The following NRXN3 variants were observed in gnomAD, a reference collection of about 807,000 sequenced individuals.
NRXN3 encodes neurexin 3.
In NRXN3, 32 loss-of-function variants were observed where a neutral mutation model predicts 137.6. The ratio of observed to expected loss-of-function variants is 0.23; its 90% CI spans 0.18 to 0.31. NRXN3 has a LOEUF of 0.31. NRXN3 is among the 10% of genes least tolerant of loss of function. The probability of loss-of-function intolerance (pLI) is 1.00; values close to 1 mark genes in which losing one functional copy is unlikely to be tolerated. For missense variants in NRXN3, 1,574 were observed against 2,062.5 expected (o/e 0.76, Z 4.59); for synonymous variants, 798 against 784.5 (o/e 1.02, Z -0.29).
At chr14:78,447,731 G>A (rs2094454072) in intron 4 of NRXN3, among the ~76,000 whole-genome samples, 2 of 152,154 alleles carry the variant, frequency 1.3e-5, no homozygotes, top group South Asian at 4.1e-4. Context: ...GCTTGCTATG[G>A]CCTGAGATTT....
At chr14:78,705,185 G>A (rs776961747) in intron 6 of NRXN3, among the ~76,000 whole-genome samples, 2 of 152,212 alleles carry the variant, frequency 1.3e-5, no homozygotes, top group South Asian at 4.1e-4. Context: ...GAGGCGACTT[G>A]TCAGCCAAGG....
intron 4 of NRXN3, among the ~76,000 whole-genome samples, chr14:78,473,540 G>A (rs946772561): frequency 7.2e-5 from 11 of 152,318 alleles, no homozygotes; most frequent in Admixed American, 3.9e-4. Context: ...TAAGTTAGGA[G>A]CTCTGATGTC....
chr14:78,980,945 T>C (rs891653785), intron 14 of NRXN3, among the ~76,000 whole-genome samples: 3 of 152,324 alleles, frequency 2.0e-5, no homozygotes, highest in Middle Eastern at 3.4e-3. Context: ...ATACCATTCC[T>C]ATACAGGAAC....
chr14:78,372,192 G>A (rs1455076405), intron 4 of NRXN3, among the ~76,000 whole-genome samples: 1 of 150,010 alleles, frequency 6.7e-6, no homozygotes, highest in African/African-American at 2.4e-5. Context: ...CCAGAACTAT[G>A]TATTTTTTCC....
At chr14:78,901,064 T>G (rs1231113581) in intron 10 of NRXN3, among the ~76,000 whole-genome samples, 2 of 152,006 alleles carry the variant, frequency 1.3e-5, no homozygotes, top group Admixed American at 6.6e-5. Context: ...TTTTCTCACC[T>G]ACCTCCCAGC....
intron 15 of NRXN3, among the ~76,000 whole-genome samples, chr14:79,145,284 G>A (rs1201614608): frequency 8.5e-5 from 13 of 152,056 alleles, no homozygotes; most frequent in Admixed American, 8.5e-4. Context: ...AAATTTCCCT[G>A]AGCCACTTAA....
chr14:78,520,313 T>G (rs766697293), intron 4 of NRXN3, among the ~76,000 whole-genome samples: 4 of 152,214 alleles, frequency 2.6e-5, no homozygotes, highest in African/African-American at 4.8e-5. Flanking sequence ...TGAAGTCCTT[T>G]AACTTCTTTC....
At chr14:78,772,002 TG>T (rs1253107130) in intron 8 of NRXN3, among the ~76,000 whole-genome samples, 9 of 152,216 alleles carry the variant, frequency 5.9e-5, no homozygotes, top group Admixed American at 2.0e-4. Flanking sequence ...ATTCATTATG[TG>T]TCATATATAC....
At chr14:78,366,527 G>C (rs2085967178) in intron 4 of NRXN3, among the ~76,000 whole-genome samples, 1 of 152,180 alleles carries the variant, frequency 6.6e-6, no homozygotes, top group African/African-American at 2.4e-5. Flanking sequence ...CATGTTGGCT[G>C]TATTAGTTTG....
chr14:79,465,853 G>A (rs1395081979), intron 15 of NRXN3, among the ~76,000 whole-genome samples: 3 of 152,300 alleles, frequency 2.0e-5, no homozygotes, highest in East Asian at 1.9e-4. Context: ...GGAAGTATTC[G>A]CTATGGGTAA....
intron 20 of NRXN3, among the ~76,000 whole-genome samples, chr14:79,814,253 T>C (rs1415372038): frequency 6.6e-6 from 1 of 152,244 alleles, no homozygotes; most frequent in Non-Finnish European, 1.5e-5. Context: ...GGCACAGCAG[T>C]CAAGCATGTG....
At chr14:79,503,750 A>T (rs2096847024) in intron 16 of NRXN3, among the ~76,000 whole-genome samples, 1 of 152,102 alleles carries the variant, frequency 6.6e-6, no homozygotes, top group African/African-American at 2.4e-5. Flanking sequence ...TGTCTCATAG[A>T]CCTTCTGGGA....
At chr14:79,266,192 A>G (rs982110322) in intron 15 of NRXN3, among the ~76,000 whole-genome samples, 9 of 152,162 alleles carry the variant, frequency 5.9e-5, no homozygotes. Flanking sequence ...TTTGATTCCT[A>G]AAGTGTGATT....
At chr14:79,618,135 T>C (rs1413165313) in intron 16 of NRXN3, among the ~76,000 whole-genome samples, 1 of 152,058 alleles carries the variant, frequency 6.6e-6, no homozygotes, top group Non-Finnish European at 1.5e-5. Flanking sequence ...TATTCCTGTT[T>C]ACCAGAAATA....
chr14:78,641,287 A>G (rs2097626475), intron 4 of NRXN3, among the ~76,000 whole-genome samples: 1 of 152,162 alleles, frequency 6.6e-6, no homozygotes, highest in African/African-American at 2.4e-5. Context: ...CTTAGAAGAA[A>G]AATCATGTCA....
intron 6 of NRXN3, among the ~76,000 whole-genome samples, chr14:78,676,513 A>C (rs139431902): frequency 2.1e-3 from 316 of 152,274 alleles, no homozygotes; most frequent in African/African-American, 7.5e-3. Flanking sequence ...AAGCTGCAGA[A>C]GAAAGGTTTG....
intron 15 of NRXN3, among the ~76,000 whole-genome samples, chr14:79,187,985 T>C (rs1167453433): frequency 6.6e-6 from 1 of 152,150 alleles, no homozygotes; most frequent in Non-Finnish European, 1.5e-5. Context: ...TGTGTCTTGG[T>C]GTAACATTGG....
intron 15 of NRXN3, among the ~76,000 whole-genome samples, chr14:79,188,542 A>G (rs183407204): frequency 9.2e-4 from 140 of 152,322 alleles, no homozygotes; most frequent in Middle Eastern, 6.8e-3. Flanking sequence ...TTCTTCCCTA[A>G]AACAAAGCCA....
chr14:79,016,047 C>A (rs2099578647), intron 15 of NRXN3, among the ~76,000 whole-genome samples: 1 of 152,136 alleles, frequency 6.6e-6, no homozygotes, highest in South Asian at 2.1e-4. Context: ...AGTGTCTTTC[C>A]CTTCTCACCT....
Sources: allele counts gnomAD v4.1 joint callset (sites outside exome capture counted in the v4.1 genomes callset), GRCh38; gene constraint gnomAD v4.1.1; transcripts MANE v1.5; gene names NCBI Gene and HGNC (gene_info 2026-07-23, HGNC 2026-07-21).